The following SLC35F1 variants were observed in gnomAD, a reference collection of about 807,000 sequenced individuals.
SLC35F1 encodes the protein solute carrier family 35 member F1.
Under a neutral mutation model 48.7 loss-of-function variants are expected in SLC35F1, and 14 were observed. The observed-to-expected ratio is 0.29, with a 90% CI of 0.19 to 0.45. The LOEUF is 0.45. Ranked by LOEUF, SLC35F1 falls within the 20% of genes least tolerant of loss-of-function variation. SLC35F1 has a pLI of 1.00. For missense variants in SLC35F1, 404 were observed against 500.0 expected (o/e 0.81, Z 1.83); for synonymous variants, 190 against 202.2 (o/e 0.94, Z 0.51).
Position 118,189,484 on chromosome 6 carries a change from G to A in SLC35F1, c.349+34864G>A, listed in dbSNP as rs189494234. ...ATTATTATCATTTTACTATTAAACT[G>A]TATAAATGTCTTACTATATATTTTA... On this transcript the variant is annotated intron_variant, in intron 2 of 7. Transcript: ENST00000360388. 2.0e-4 allele frequency among the ~76,000 whole-genome samples: 31 copies of A among 152,222 alleles called. No individual in the cohort carries two copies. The East Asian group carries it at 6.0e-3, about 29-fold the overall frequency.
intron 1 of SLC35F1, among the ~76,000 whole-genome samples, chr6:117,961,873 C>A (rs759259826): frequency 1.3e-5 from 2 of 152,112 alleles, no homozygotes; most frequent in Non-Finnish European, 2.9e-5. Context: ...GCTTGTGATA[C>A]CTAGTCTTAC....
chr6:118,208,718 A>G (rs1396326450), intron 2 of SLC35F1, among the ~76,000 whole-genome samples: 2 of 152,188 alleles, frequency 1.3e-5, no homozygotes, highest in African/African-American at 4.8e-5. Context: ...TAATATTTTC[A>G]TGTCATCTTT....
chr6:118,089,905 G>C (rs1773048420), intron 1 of SLC35F1, among the ~76,000 whole-genome samples: 1 of 152,138 alleles, frequency 6.6e-6, no homozygotes, highest in South Asian at 2.1e-4. Context: ...CTTAATTCTT[G>C]ACTCAAAGCC....
At chr6:118,196,930 C>T (rs1325677108) in intron 2 of SLC35F1, among the ~76,000 whole-genome samples, 1 of 151,684 alleles carries the variant, frequency 6.6e-6, no homozygotes, top group Non-Finnish European at 1.5e-5. Context: ...TTTCCCAATA[C>T]CATTTATTAA....
intron 1 of SLC35F1, among the ~76,000 whole-genome samples, chr6:118,101,548 A>C (rs1445768927): frequency 6.6e-6 from 1 of 152,248 alleles, no homozygotes; most frequent in Non-Finnish European, 1.5e-5. Flanking sequence ...AGGGATGGAG[A>C]CAGAGCTGTT....
intron 1 of SLC35F1, among the ~76,000 whole-genome samples, chr6:118,133,576 A>G (rs1582684533): frequency 1.3e-5 from 2 of 152,204 alleles, no homozygotes; most frequent in Non-Finnish European, 2.9e-5. Flanking sequence ...CAGAGAGAAG[A>G]ACATTTTCTC....
chr6:118,184,760 C>T (rs962720590), intron 2 of SLC35F1, among the ~76,000 whole-genome samples: 11 of 152,178 alleles, frequency 7.2e-5, no homozygotes, highest in African/African-American at 2.4e-4. Flanking sequence ...AGGAATAACA[C>T]ATCAGTGTAT....
chr6:117,957,381 T>G (rs1182490636), intron 1 of SLC35F1, among the ~76,000 whole-genome samples: 5 of 152,178 alleles, frequency 3.3e-5, no homozygotes, highest in African/African-American at 1.2e-4. Context: ...AGCATCAAAG[T>G]GTAAAACATT....
chr6:118,221,274 T>C (rs776655166), intron 2 of SLC35F1, among the ~76,000 whole-genome samples: 2 of 152,038 alleles, frequency 1.3e-5, no homozygotes, highest in Admixed American at 1.3e-4. Context: ...TGTCTGTAAA[T>C]GCAACAACAA....
At chr6:118,071,893 C>A (rs1247497579) in intron 1 of SLC35F1, among the ~76,000 whole-genome samples, 5 of 152,190 alleles carry the variant, frequency 3.3e-5, no homozygotes, top group African/African-American at 1.2e-4. Flanking sequence ...ACAAGGATGT[C>A]ACTTGCTGTG....
chr6:118,225,381 A>T (rs1775202059), intron 2 of SLC35F1, among the ~76,000 whole-genome samples: 1 of 152,232 alleles, frequency 6.6e-6, no homozygotes, highest in African/African-American at 2.4e-5. Flanking sequence ...CCAAGAACAT[A>T]CAATGGGGAA....
chr6:118,188,791 T>C (rs1046024799), intron 2 of SLC35F1, among the ~76,000 whole-genome samples: 3 of 152,192 alleles, frequency 2.0e-5, no homozygotes, highest in African/African-American at 7.2e-5. Flanking sequence ...AGTACAGATA[T>C]CTCTTCAACA....
intron 1 of SLC35F1, among the ~76,000 whole-genome samples, chr6:118,125,251 A>G (rs1773606909): frequency 1.3e-5 from 2 of 152,056 alleles, no homozygotes; most frequent in Non-Finnish European, 2.9e-5. Context: ...GCTAAAATCT[A>G]TTGTTACAGT....
chr6:118,211,624 T>A (rs1396350266), intron 2 of SLC35F1, among the ~76,000 whole-genome samples: 4 of 152,202 alleles, frequency 2.6e-5, no homozygotes, highest in Non-Finnish European at 5.9e-5. Context: ...GACATACCCT[T>A]GAGGAGAGTT....
In SLC35F1 at chr6:118,263,582, C is replaced by T. The variant is rs544522411; in HGVS notation, c.478-3413C>T. The stretch of plus-strand genomic sequence containing the variant: ...ATAAAATAATATTTGTTTATTTTTT[C>T]ATATGGATATTTTATAATTTCTTTT... On this transcript the variant is annotated intron_variant, in intron 3 of 7. Transcript: ENST00000360388. Among the ~76,000 whole-genome samples the T allele has an allele frequency of 1.6e-4, 24 of 152,142 alleles. No individual in the cohort carries two copies. The East Asian group carries it at 4.1e-3, about 26-fold the overall frequency.
chr6:117,932,150 C>A (rs1776109703), intron 1 of SLC35F1, among the ~76,000 whole-genome samples: 1 of 152,142 alleles, frequency 6.6e-6, no homozygotes, highest in Non-Finnish European at 1.5e-5. Flanking sequence ...GAGGACGCAG[C>A]AAAATGCACC....
At chr6:118,016,459 T>G (rs1777324012) in intron 1 of SLC35F1, among the ~76,000 whole-genome samples, 1 of 152,244 alleles carries the variant, frequency 6.6e-6, no homozygotes, top group African/African-American at 2.4e-5. Flanking sequence ...CTGTAAGCAC[T>G]TTATACATAT....
chr6:118,037,755 AAACT>A (rs1470919763), intron 1 of SLC35F1, among the ~76,000 whole-genome samples: 1 of 152,138 alleles, frequency 6.6e-6, no homozygotes, highest in Non-Finnish European at 1.5e-5. Context: ...CATTCTCAGC[AAACT>A]AACACAGGAA....
intron 1 of SLC35F1, among the ~76,000 whole-genome samples, chr6:118,112,910 C>T (rs1420686880): frequency 6.6e-6 from 1 of 151,834 alleles, no homozygotes; most frequent in Non-Finnish European, 1.5e-5. Context: ...TCTAAATATA[C>T]CAATTAAAAG....
Sources: gnomAD v4.1 joint callset for allele counts (sites outside exome capture counted in the v4.1 genomes callset) on GRCh38, gnomAD v4.1.1 for gene constraint, MANE v1.5 for transcripts, NCBI Gene and HGNC (gene_info 2026-07-23, HGNC 2026-07-21) for gene names.